The following SMYD2 variants were observed in gnomAD, a reference collection of about 807,000 sequenced individuals.
The protein encoded by SMYD2 is SET and MYND domain containing 2, also known as N-lysine methyltransferase SMYD2.
Under a neutral mutation model 59.1 loss-of-function variants are expected in SMYD2, and 53 were observed. The ratio of observed to expected loss-of-function variants is 0.90; its 90% CI spans 0.72 to 1.13. The LOEUF (loss-of-function observed/expected upper bound fraction) is 1.13. Among genes scored for constraint, SMYD2 ranks in the 50% most tolerant of loss-of-function variants. The pLI, the probability that SMYD2 is intolerant of heterozygous loss-of-function variation, is 0.00. For synonymous variants in SMYD2, 208 were observed against 198.8 expected (o/e 1.05, Z -0.39); for missense variants, 494 against 544.7 (o/e 0.91, Z 0.93).
chr1:214,330,694 A>G (rs1050771624), intron 8 of SMYD2, among the ~76,000 whole-genome samples: 2 of 152,256 alleles, frequency 1.3e-5, no homozygotes, highest in African/African-American at 4.8e-5. Context: ...ATGTGTAAAC[A>G]CATATATCTG....
chr1:214,319,080 T>C, intron 5 of SMYD2, 97 bp downstream of exon 5: 1 of 1,444,914 alleles, frequency 6.9e-7, no homozygotes, highest in Non-Finnish European at 9.4e-7. Flanking sequence ...GCAAATAGAA[T>C]GATGGCATCT....
At chr1:214,328,977 T>A (rs936520899) in intron 7 of SMYD2, among the ~76,000 whole-genome samples, 1 of 152,224 alleles carries the variant, frequency 6.6e-6, no homozygotes, top group Non-Finnish European at 1.5e-5. Context: ...TCAGTCTGGC[T>A]GGGAGCAGTG....
rs530835693 is a variant in SMYD2, at chr1:214,312,281, G to C, written c.238-2481G>C. On this transcript the variant is annotated intron_variant, in intron 2 of 11. Coordinates refer to ENST00000366957, the MANE Select transcript of SMYD2 (RefSeq NM_020197.3). The surrounding 1 kb of genome is among the most constrained non-coding windows in gnomAD (Gnocchi z 4.1). ...TTCCTTCTTGGGGGATCAGTGTGGA[G>C]GGAAGCGGGTAGGGAGATATCTTCA... is the stretch of plus-strand genomic sequence containing the variant. Among the ~76,000 whole-genome samples, 3 of 152,298 alleles carry C rather than the reference G, an allele frequency of 2.0e-5. No homozygotes were observed. Among genetic ancestry groups the C allele is most frequent in the Admixed American group, 2.0e-4 (3 of 15,304 alleles).
chr1:214,336,202 G>A (rs1045979894), intron 11 of SMYD2, among the ~76,000 whole-genome samples: 2 of 152,062 alleles, frequency 1.3e-5, no homozygotes, highest in South Asian at 2.1e-4. Context: ...AGTAGACACT[G>A]GATGAGTTAG....
chr1:214,282,428 G>C (rs538744676), intron 1 of SMYD2, among the ~76,000 whole-genome samples: 4 of 152,158 alleles, frequency 2.6e-5, no homozygotes, highest in Non-Finnish European at 5.9e-5. Context: ...ATGGCATTGG[G>C]GTTAAGTTTA....
chr1:214,310,742 T>C (rs763236254), intron 2 of SMYD2, among the ~76,000 whole-genome samples: 2 of 152,226 alleles, frequency 1.3e-5, no homozygotes, highest in Non-Finnish European at 2.9e-5. Flanking sequence ...GTTAGCCTAA[T>C]TTGTTTTTCA....
chr1:214,313,526 A>G (rs73092313), intron 2 of SMYD2, among the ~76,000 whole-genome samples: 5,308 of 151,332 alleles, frequency 0.035, 317 homozygotes, highest in African/African-American at 0.12. Context: ...AAAAAAAAAA[A>G]GTCCCCCGCA....
chr1:214,318,617 A>T lies in SMYD2; in HGVS notation c.410-242A>T, dbSNP rs778384368. 6.6e-6 allele frequency among the ~76,000 whole-genome samples: 1 copy of T among 152,120 alleles called. No homozygotes were observed. The highest frequency in any genetic ancestry group is 1.5e-5 in the Non-Finnish European group (1 of 68,022). ...ATTGCTAACAGTCAGTCGAAATCTC[A>T]CGTCCCAAGTGACTTCTAGTCATCA... On this transcript the variant is annotated intron_variant, in intron 4 of 11. Coordinates refer to ENST00000366957, the MANE Select transcript of SMYD2 (RefSeq NM_020197.3). This position sits in a 1 kb window ranked among gnomAD's most constrained non-coding sequence, Gnocchi z 5.4.
intron 2 of SMYD2, among the ~76,000 whole-genome samples, chr1:214,314,265 C>T (rs772646185): frequency 7.9e-5 from 12 of 152,124 alleles, no homozygotes; most frequent in Non-Finnish European, 1.6e-4. Flanking sequence ...CCAGTGGTTG[C>T]CCTTCATGAA....
At chr1:214,289,848 A>T (rs1432215374) in intron 1 of SMYD2, among the ~76,000 whole-genome samples, 1 of 152,186 alleles carries the variant, frequency 6.6e-6, no homozygotes, top group South Asian at 2.1e-4. Flanking sequence ...GAGGCAGGGC[A>T]TTTTGAGGTC....
At chr1:214,330,322 T>G (rs1452656690) in intron 8 of SMYD2, 44 bp downstream of exon 8, 1 of 1,315,530 alleles carries the variant, frequency 7.6e-7, no homozygotes, top group East Asian at 2.4e-5. Context: ...CACTCTGATC[T>G]CAGGACCTCT....
At chr1:214,309,964 C>G (rs561978790) in intron 2 of SMYD2, among the ~76,000 whole-genome samples, 1 of 152,194 alleles carries the variant, frequency 6.6e-6, no homozygotes, top group East Asian at 1.9e-4. Flanking sequence ...AGCAGAAATC[C>G]TGTGACATTT....
chr1:214,322,440 A>G (rs745680145), intron 5 of SMYD2, among the ~76,000 whole-genome samples: 1 of 152,250 alleles, frequency 6.6e-6, no homozygotes, highest in Non-Finnish European at 1.5e-5. Context: ...TCTTCTACTT[A>G]CACATGCCCA....
intron 1 of SMYD2, among the ~76,000 whole-genome samples, chr1:214,292,106 G>GAGAA (rs1205960226): frequency 1.3e-5 from 2 of 151,778 alleles, no homozygotes; most frequent in Non-Finnish European, 2.9e-5. Flanking sequence ...GAGAGAGAGA[G>GAGAA]AGAGAGAGAG....
intron 1 of SMYD2, among the ~76,000 whole-genome samples, chr1:214,295,476 A>G (rs528889806): frequency 1.6e-4 from 25 of 152,296 alleles, no homozygotes; most frequent in African/African-American, 5.5e-4. Context: ...TTATTTTATA[A>G]CTAGGTCAGC....
chr1:214,330,028 T>G (rs1172706980), intron 7 of SMYD2, 140 bp from the exon 8 acceptor site: 4 of 533,066 alleles, frequency 7.5e-6, no homozygotes, highest in Non-Finnish European at 9.8e-6. Context: ...ATTCCGTGCC[T>G]TAAAGTAAAC....
At chr1:214,294,410 A>G (rs2361230) in intron 1 of SMYD2, among the ~76,000 whole-genome samples, 97,421 of 151,652 alleles carry the variant, frequency 0.64, 31,918 homozygotes, top group African/African-American at 0.73. Context: ...GCTTACGCCT[A>G]TATTCCCAAC....
intron 2 of SMYD2, among the ~76,000 whole-genome samples, chr1:214,309,686 C>T (rs929521125): frequency 3.3e-5 from 5 of 152,126 alleles, no homozygotes; most frequent in African/African-American, 1.2e-4. Flanking sequence ...GGGCCAGAGT[C>T]GTAGGTTCAA....
chr1:214,281,429 T>C lies in SMYD2; in HGVS notation c.173+2T>C, dbSNP rs1656441616. 1 of 1,421,242 alleles carries C rather than the reference T, an allele frequency of 7.0e-7. No homozygotes were observed. The highest frequency in any genetic ancestry group is 9.2e-7 in the Non-Finnish European group (1 of 1,082,784). The allele number at this position is 1,421,242 out of a possible 1,614,324, so 88.0% of individuals were successfully genotyped here. On this transcript the variant is annotated splice_donor_variant, in intron 1 of 11. Transcript: ENST00000366957. LOFTEE classifies it high-confidence loss of function. ...CCACTGCGAGTACTGCTTCACCAGG[T>C]AGGGCGGCGGCGGCGGCGGCGGCGG...
Sources: allele counts gnomAD v4.1 joint callset (sites outside exome capture counted in the v4.1 genomes callset), GRCh38; gene constraint gnomAD v4.1.1; non-coding constraint Gnocchi (gnomAD v3.1); transcripts MANE v1.5; gene names NCBI Gene and HGNC (gene_info 2026-07-23, HGNC 2026-07-21).